The following NFIB variants were observed in gnomAD, a reference collection of about 807,000 sequenced individuals.
The protein encoded by NFIB is nuclear factor I B.
In NFIB, 11 loss-of-function variants were observed where a neutral mutation model predicts 61.5. The ratio of observed to expected loss-of-function variants is 0.18; its 90% CI spans 0.11 to 0.30. The LOEUF (loss-of-function observed/expected upper bound fraction) is 0.30. Among genes scored for constraint, NFIB ranks in the 10% least tolerant of loss-of-function variants. The probability of loss-of-function intolerance (pLI) is 1.00; values close to 1 mark genes in which losing one functional copy is unlikely to be tolerated. For missense variants in NFIB, 471 were observed against 608.9 expected (o/e 0.77, Z 2.38); for synonymous variants, 260 against 216.5 (o/e 1.20, Z -1.76).
intron 1 of NFIB, among the ~76,000 whole-genome samples, chr9:14,367,518 C>T (rs886661724): frequency 1.3e-5 from 2 of 152,036 alleles, no homozygotes; most frequent in Non-Finnish European, 2.9e-5. Context: ...TTGTAAGCAA[C>T]CTGTGTTCCT....
chr9:14,414,091 T>G, the NFIB span, among the ~76,000 whole-genome samples: 2 of 152,146 alleles, frequency 1.3e-5, no homozygotes, highest in South Asian at 4.1e-4. Context: ...CTCGGAAGTC[T>G]AGTGAGGCAC....
chr9:14,236,531 A>T (rs1430670640), intron 2 of NFIB, among the ~76,000 whole-genome samples: 1 of 152,334 alleles, frequency 6.6e-6, no homozygotes, highest in Admixed American at 6.5e-5. Context: ...TGCATGTGGA[A>T]TTGTAGAGCC....
chr9:14,358,834 C>T (rs556682896), intron 1 of NFIB, among the ~76,000 whole-genome samples: 16 of 152,318 alleles, frequency 1.1e-4, no homozygotes, highest in Non-Finnish European at 1.6e-4. Context: ...AGTTGTTAAA[C>T]ACTCACCATT....
chr9:14,321,550 T>A (rs1278997267), intron 1 of NFIB, among the ~76,000 whole-genome samples: 3 of 152,140 alleles, frequency 2.0e-5, no homozygotes, highest in Non-Finnish European at 4.4e-5. Flanking sequence ...GAGGAGAGAA[T>A]GGCCTACAAG....
intron 1 of NFIB, among the ~76,000 whole-genome samples, chr9:14,378,346 C>G (rs900240157): frequency 6.6e-6 from 1 of 152,002 alleles, no homozygotes; most frequent in African/African-American, 2.4e-5. Flanking sequence ...CTACTTTATT[C>G]TTTTCTTTCT....
intron 2 of NFIB, among the ~76,000 whole-genome samples, chr9:14,187,013 G>GTGTGTGTGTATA (rs1563879206): frequency 2.2e-5 from 2 of 92,446 alleles, no homozygotes; most frequent in East Asian, 7.7e-4. Context: ...TCCTGTGTGT[G>GTGTGTGTGTATA]TGTGTGTGTG....
chr9:14,252,523 A>G (rs2055747256), intron 2 of NFIB, among the ~76,000 whole-genome samples: 1 of 152,178 alleles, frequency 6.6e-6, no homozygotes, highest in South Asian at 2.1e-4. Context: ...ATTTTTAAAC[A>G]TTTGTATTTG....
At chr9:14,202,548 G>T (rs1346869030) in intron 2 of NFIB, among the ~76,000 whole-genome samples, 21 of 152,052 alleles carry the variant, frequency 1.4e-4, no homozygotes, top group Admixed American at 1.4e-3. Flanking sequence ...GTTAAGAATT[G>T]GTTTTCTGCT....
chr9:14,320,800 G>C (rs2060641120), intron 1 of NFIB, among the ~76,000 whole-genome samples: 1 of 152,172 alleles, frequency 6.6e-6, no homozygotes, highest in South Asian at 2.1e-4. Flanking sequence ...GTCTGTTCAA[G>C]TGTGGGATCA....
intron 10 of NFIB, among the ~76,000 whole-genome samples, chr9:14,097,572 A>C (rs2035002154): frequency 6.6e-6 from 1 of 152,210 alleles, no homozygotes; most frequent in South Asian, 2.1e-4. Context: ...CTAAGGACAT[A>C]CTGCCCTTAT....
intron 8 of NFIB, among the ~76,000 whole-genome samples, chr9:14,116,949 T>C (rs62532505): frequency 2.0e-3 from 311 of 152,330 alleles, no homozygotes; most frequent in Admixed American, 4.2e-3. Context: ...TTAGGCAATT[T>C]AGATTCCGAG....
In NFIB at chr9:14,340,294, T is replaced by C. The variant is rs1292912990; in HGVS notation, c.109-32774A>G. 4.6e-5 allele frequency among the ~76,000 whole-genome samples: 7 copies of C among 152,210 alleles called. No individual in the cohort carries two copies. The East Asian group carries it at 1.2e-3, about 25-fold the overall frequency. On this transcript the variant is annotated intron_variant, in intron 1 of 8. Coordinates refer to the NFIB transcript ENST00000380934. ...CAATAATAGGAGTTCATTGCATACT[T>C]AGTAAAAGAATGGGCGTTCTTCACC... is the stretch of plus-strand genomic sequence containing the variant.
At chr9:14,089,933 GACC>G (rs2033602120) in intron 10 of NFIB, among the ~76,000 whole-genome samples, 1 of 151,936 alleles carries the variant, frequency 6.6e-6, no homozygotes, top group African/African-American at 2.4e-5. Flanking sequence ...ATATCACAAC[GACC>G]ATTTGTGCTC....
At chr9:14,199,617 C>T (rs2048811485) in intron 2 of NFIB, among the ~76,000 whole-genome samples, 1 of 152,204 alleles carries the variant, frequency 6.6e-6, no homozygotes, top group African/African-American at 2.4e-5. Flanking sequence ...TCTCATTATG[C>T]TTATAGCCGT....
intron 2 of NFIB, among the ~76,000 whole-genome samples, chr9:14,287,148 T>C (rs551978309): frequency 1.3e-5 from 2 of 152,090 alleles, no homozygotes; most frequent in East Asian, 3.9e-4. Context: ...AGAGCTATTA[T>C]AGGCCGGGCG....
chr9:14,451,254 G>C, the NFIB span, among the ~76,000 whole-genome samples: 210 of 152,366 alleles, frequency 1.4e-3, 1 homozygote, highest in Non-Finnish European at 2.3e-3. Context: ...ATCTTCAGCT[G>C]CATGGTGGAT....
intron 2 of NFIB, among the ~76,000 whole-genome samples, chr9:14,201,742 T>C (rs2049056039): frequency 6.6e-6 from 1 of 152,070 alleles, no homozygotes; most frequent in Non-Finnish European, 1.5e-5. Flanking sequence ...TTGGATGTAC[T>C]ATCCATGAAG....
At chr9:14,318,505 C>CTTTTTTTTTTTTT (rs34481505), upstream of NFIB, among the ~76,000 whole-genome samples, 56 of 66,826 alleles carry the variant, frequency 8.4e-4, no homozygotes, top group Middle Eastern at 0.016. Context: ...CACTCGATGC[C>CTTTTTTTTTTTTT]TTTTTTTTTT....
intron 2 of NFIB, among the ~76,000 whole-genome samples, chr9:14,231,079 AC>A (rs2053077246): frequency 6.9e-6 from 1 of 144,794 alleles, no homozygotes. Flanking sequence ...AATAAATACA[AC>A]AGGGATATCT....
Sources: allele counts gnomAD v4.1 joint callset (sites outside exome capture counted in the v4.1 genomes callset), GRCh38; gene constraint gnomAD v4.1.1; transcripts MANE v1.5; gene names NCBI Gene and HGNC (gene_info 2026-07-23, HGNC 2026-07-21).